The following DAPK1 variants were observed in gnomAD, a reference collection of about 807,000 sequenced individuals.
DAPK1 encodes death-associated protein kinase 1.
DAPK1 carries 56 observed loss-of-function variants against 144.9 expected under a neutral mutation model. That is an observed-to-expected ratio of 0.39 (90% CI 0.31 to 0.48). DAPK1 has a LOEUF of 0.48. Among genes scored for constraint, DAPK1 ranks in the 20% least tolerant of loss-of-function variants. DAPK1 has a pLI of 0.95. For synonymous variants in DAPK1, 690 were observed against 749.0 expected, an observed-to-expected ratio of 0.92 and a Z score of 1.29; for missense variants, 1,454 against 1,875.4, an observed-to-expected ratio of 0.78 and a Z score of 4.15.
intron 2 of DAPK1, among the ~76,000 whole-genome samples, chr9:87,591,751 C>T (rs2118888531): frequency 6.6e-6 from 1 of 152,328 alleles, no homozygotes; most frequent in Non-Finnish European, 1.5e-5. Context: ...TGCATTCATG[C>T]ACCCATTAAG....
chr9:87,655,145 TC>T (rs1182434196), intron 17 of DAPK1, among the ~76,000 whole-genome samples: 2 of 152,198 alleles, frequency 1.3e-5, no homozygotes, highest in Non-Finnish European at 2.9e-5. Context: ...AATCATCAGT[TC>T]CAGTTTCAAC....
chr9:87,596,479 G>C (rs2118913107), intron 2 of DAPK1, among the ~76,000 whole-genome samples: 1 of 152,324 alleles, frequency 6.6e-6, no homozygotes, highest in African/African-American at 2.4e-5. Flanking sequence ...TTTGTTGTTT[G>C]TGTTGAGGTC....
intron 2 of DAPK1, among the ~76,000 whole-genome samples, chr9:87,516,997 C>T (rs78846037): frequency 0.024 from 3,579 of 152,220 alleles, 58 homozygotes; most frequent in East Asian, 0.085. Context: ...GTCACCAGTA[C>T]ATGCCACTTC....
chr9:87,556,094 AT>A (rs781750230), intron 2 of DAPK1, among the ~76,000 whole-genome samples: 17 of 152,282 alleles, frequency 1.1e-4, no homozygotes, highest in Non-Finnish European at 1.9e-4. Flanking sequence ...GTTTTTTTGT[AT>A]TCTAATCTCC....
chr9:87,585,491 GA>G (rs1827916869), intron 2 of DAPK1, among the ~76,000 whole-genome samples: 1 of 152,320 alleles, frequency 6.6e-6, no homozygotes, highest in South Asian at 2.1e-4. Context: ...TTACGAGCTG[GA>G]AATGTATTCA....
At chr9:87,641,945 T>G in intron 9 of DAPK1, 24 bp from the exon 10 acceptor site, 1 of 1,588,036 alleles carries the variant, frequency 6.3e-7, no homozygotes, top group Non-Finnish European at 8.6e-7. Flanking sequence ...AGCTTTAATT[T>G]TTTTTCTTGG....
intron 2 of DAPK1, among the ~76,000 whole-genome samples, chr9:87,523,137 G>T: frequency 6.6e-6 from 1 of 152,072 alleles, no homozygotes; most frequent in East Asian, 1.9e-4. Context: ...ACATTCAGTG[G>T]CGTTAAGTCC....
At chr9:87,642,193 T>C (rs1343050431) in intron 10 of DAPK1, 135 bp downstream of exon 10, 1 of 582,754 alleles carries the variant, frequency 1.7e-6, no homozygotes, top group African/African-American at 1.9e-5. Flanking sequence ...CCCTGTAGTG[T>C]TCTGCACCAT....
intron 2 of DAPK1, among the ~76,000 whole-genome samples, chr9:87,558,064 C>A (rs1275388605): frequency 6.6e-6 from 1 of 152,192 alleles, no homozygotes; most frequent in Non-Finnish European, 1.5e-5. Flanking sequence ...ATAAATCTTT[C>A]ATTTTAATTT....
At chr9:87,642,098 T>C in intron 10 of DAPK1, 40 bp downstream of exon 10, 2 of 1,558,892 alleles carry the variant, frequency 1.3e-6, no homozygotes, top group Non-Finnish European at 1.8e-6. Flanking sequence ...AAATTCTGTT[T>C]CCTGTGTAGA....
chr9:87,611,182 T>C (rs555420410), intron 3 of DAPK1, among the ~76,000 whole-genome samples: 33 of 152,310 alleles, frequency 2.2e-4, no homozygotes, highest in African/African-American at 7.9e-4. Context: ...TTAAAAAATA[T>C]ACAGTTTAAA....
chr9:87,637,967 C>T lies in DAPK1; in HGVS notation c.309C>T (p.Asp103=), dbSNP rs1829962654. ...LELVAGGELF[D]FLAEKESLTE... is the part of the protein sequence containing the mutation. Reference sequence around the variant, plus strand: ...GCGTTGCAGGTGGCGAGCTGTTTGACTTCTTAGCTGAAAAGGAATCTTTAA... The same window carrying T: ...GCGTTGCAGGTGGCGAGCTGTTTGATTTCTTAGCTGAAAAGGAATCTTTAA... The change falls in exon 4 of 26, where the codon GAC becomes GAT. Residue 103 remains aspartate (D), a synonymous_variant. Coordinates refer to ENST00000408954, the MANE Select transcript of DAPK1 (RefSeq NM_004938.4). The T allele has an allele frequency of 1.2e-6, 2 of 1,613,978 alleles. No individual in the cohort carries two copies. Among genetic ancestry groups the T allele is most frequent in the South Asian group, 2.2e-5 (2 of 91,080 alleles).
At chr9:87,696,970 G>T (rs374479323) in intron 21 of DAPK1, 37 bp from the exon 22 acceptor site, 41 of 1,022,700 alleles carry the variant, frequency 4.0e-5, no homozygotes, top group Non-Finnish European at 5.6e-5. Context: ...TTGGTTAGTG[G>T]TGTTTCACGA....
intron 18 of DAPK1, among the ~76,000 whole-genome samples, chr9:87,661,757 A>G (rs534170014): frequency 6.6e-6 from 1 of 151,992 alleles, no homozygotes; most frequent in East Asian, 1.9e-4. Context: ...GTTTGCGAAT[A>G]TTTTCTCTCA....
chr9:87,625,982 G>A (rs1027157984), intron 3 of DAPK1, among the ~76,000 whole-genome samples: 2 of 152,162 alleles, frequency 1.3e-5, no homozygotes, highest in East Asian at 3.9e-4. Flanking sequence ...ATGGGCAAAG[G>A]ATGTGGACAC....
chr9:87,529,060 A>G (rs4878091), intron 2 of DAPK1, among the ~76,000 whole-genome samples: 67,815 of 151,860 alleles, frequency 0.45, 15,424 homozygotes, highest in South Asian at 0.58. Context: ...GCAGGCTACT[A>G]AGCATGCAGA....
At chr9:87,705,137 A>T (rs1483732266) in intron 25 of DAPK1, among the ~76,000 whole-genome samples, 1 of 148,844 alleles carries the variant, frequency 6.7e-6, no homozygotes, top group African/African-American at 2.5e-5. Context: ...GAATGTTCTG[A>T]CTCTTTTTTG....
intron 2 of DAPK1, among the ~76,000 whole-genome samples, chr9:87,598,918 G>A (rs888720523): frequency 3.9e-5 from 6 of 152,134 alleles, no homozygotes; most frequent in African/African-American, 1.4e-4. Flanking sequence ...TACTTTTATT[G>A]CATGGCATCT....
At chr9:87,636,451 A>G (rs1389764508) in intron 3 of DAPK1, among the ~76,000 whole-genome samples, 1 of 152,200 alleles carries the variant, frequency 6.6e-6, no homozygotes, top group African/African-American at 2.4e-5. Flanking sequence ...GGTGCTTGTT[A>G]AAGATGCTGA....
Sources: allele counts gnomAD v4.1 joint callset (sites outside exome capture counted in the v4.1 genomes callset), GRCh38; gene constraint gnomAD v4.1.1; transcripts MANE v1.5; gene names NCBI Gene and HGNC (gene_info 2026-07-23, HGNC 2026-07-21).